NUDCD3: variants seen among roughly 807,000 people sequenced by gnomAD.
NUDCD3 encodes nudC domain-containing protein 3.
Under a neutral mutation model 39.7 loss-of-function variants are expected in NUDCD3, and 13 were observed. The ratio of observed to expected loss-of-function variants is 0.33; its 90% CI spans 0.21 to 0.52. The LOEUF is 0.52. NUDCD3 is among the 20% of genes least tolerant of loss of function. The pLI is 0.96. For synonymous variants in NUDCD3, 175 were observed against 172.4 expected (o/e 1.02, Z -0.12); for missense variants, 453 against 458.1 (o/e 0.99, Z 0.10).
In NUDCD3 at chr7:44,434,685, C is replaced by T. The variant is rs1799433116; in HGVS notation, c.510-6982G>A. Reference sequence around the variant, plus strand: ...GGGCTCTGGTCTCAAGTATGTCCTACAAATCAATGTCTCCAAGCCAGTCCC... The same window carrying T: ...GGGCTCTGGTCTCAAGTATGTCCTATAAATCAATGTCTCCAAGCCAGTCCC... On this transcript the variant is annotated intron_variant, in intron 2 of 5. Coordinates refer to ENST00000355451, the MANE Select transcript of NUDCD3 (RefSeq NM_015332.4). Among the ~76,000 whole-genome samples, 3 of 152,186 alleles carry T rather than the reference C, an allele frequency of 2.0e-5. No homozygotes were observed. In the South Asian group the frequency reaches 6.2e-4, roughly 31 times the overall value.
intron 2 of NUDCD3, among the ~76,000 whole-genome samples, chr7:44,448,701 C>G (rs115286420): frequency 6.6e-6 from 1 of 152,166 alleles, no homozygotes; most frequent in Non-Finnish European, 1.5e-5. Context: ...CAGACCCCTG[C>G]TCCAGCTCAG....
At chr7:44,389,254 C>T (rs1413977868) in intron 5 of NUDCD3, among the ~76,000 whole-genome samples, 3 of 148,524 alleles carry the variant, frequency 2.0e-5, no homozygotes, top group Non-Finnish European at 3.1e-5. Context: ...TTGGCCTGTC[C>T]CGAACTGACA....
rs1421617597 is a variant in NUDCD3 at position 44,381,678 on chromosome 7, T to G, written c.*4333A>C. On this transcript the variant is annotated 3_prime_UTR_variant, in exon 6 of 6. Coordinates refer to ENST00000355451, the MANE Select transcript of NUDCD3 (RefSeq NM_015332.4). ...AGGCAGCTTTCCTGCAAGTGTTTCCTAAGCTGTCCTTCTCCAGGGAGAATA... is the reference window on the plus strand; with the variant it reads ...AGGCAGCTTTCCTGCAAGTGTTTCCGAAGCTGTCCTTCTCCAGGGAGAATA... 1 of 152,222 alleles carries G rather than the reference T, an allele frequency of 6.6e-6. No homozygotes were observed. The highest frequency in any genetic ancestry group is 1.9e-4 in the East Asian group (1 of 5,196). 9.4% of individuals were successfully genotyped at this position (152,222 alleles called of 1,614,324 possible). A position where few individuals can be genotyped will look rare whatever the true frequency, so the allele number is the denominator to read the frequency against.
At chr7:44,397,758 C>T (rs1215429129) in intron 4 of NUDCD3, among the ~76,000 whole-genome samples, 2 of 152,100 alleles carry the variant, frequency 1.3e-5, no homozygotes, top group African/African-American at 4.8e-5. Flanking sequence ...ATAGTATTTT[C>T]TCTGAATCAT....
At position 44,381,656 on chromosome 7, in the gene NUDCD3, C is replaced by G. The variant is rs924027441; in HGVS notation, c.*4355G>C. On this transcript the variant is annotated 3_prime_UTR_variant, in exon 6 of 6. Transcript: ENST00000355451. ...GCCAGGGTCACCTCCCAGGTCCAGGCAGCTTTCCTGCAAGTGTTTCCTAAG... is the reference window on the plus strand; with the variant it reads ...GCCAGGGTCACCTCCCAGGTCCAGGGAGCTTTCCTGCAAGTGTTTCCTAAG... The G allele has an allele frequency of 2.0e-5, 3 of 152,268 alleles. No homozygotes were observed. Among genetic ancestry groups the G allele is most frequent in the Admixed American group, 2.0e-4 (3 of 15,288 alleles). 9.4% of individuals were successfully genotyped at this position (152,268 alleles called of 1,614,324 possible). A position where few individuals can be genotyped will look rare whatever the true frequency, so the allele number is the denominator to read the frequency against.
intron 3 of NUDCD3, among the ~76,000 whole-genome samples, chr7:44,405,949 A>T (rs1332902183): frequency 6.6e-6 from 1 of 152,044 alleles, no homozygotes; most frequent in East Asian, 1.9e-4. Flanking sequence ...GGTACGTGCC[A>T]CCATGCCTGG....
At chr7:44,460,481 C>A (rs1002443026) in intron 2 of NUDCD3, among the ~76,000 whole-genome samples, 3 of 152,070 alleles carry the variant, frequency 2.0e-5, no homozygotes, top group African/African-American at 7.2e-5. Context: ...GGGCAGCTAC[C>A]ACAAGACTCC....
intron 1 of NUDCD3, 142 bp from the exon 2 acceptor site, chr7:44,485,426 A>G: frequency 1.5e-6 from 1 of 659,598 alleles, no homozygotes; most frequent in Non-Finnish European, 2.5e-6. Context: ...ATGGAAATGC[A>G]CTGCCACTTC....
intron 3 of NUDCD3, among the ~76,000 whole-genome samples, chr7:44,418,497 G>A (rs191527757): frequency 1.1e-4 from 17 of 152,328 alleles, no homozygotes; most frequent in African/African-American, 4.1e-4. Flanking sequence ...AACTTATCCA[G>A]AGTGCTCACT....
In NUDCD3 at chr7:44,489,236, A is replaced by G. The variant is rs534046853; in HGVS notation, c.192+1173T>C. On this transcript the variant is annotated intron_variant, in intron 1 of 5. Transcript: ENST00000355451. ...AATGGCAAGACTTCATTAACCTGCC[A>G]TAAGATCCTGCTAAAGGCCACCTCC... 8.6e-4 allele frequency among the ~76,000 whole-genome samples: 131 copies of G among 152,368 alleles called. No homozygotes were observed. The South Asian group carries it at 0.026, about 30-fold the overall frequency.
chr7:44,457,612 C>T (rs1585092168), intron 2 of NUDCD3, among the ~76,000 whole-genome samples: 1 of 152,176 alleles, frequency 6.6e-6, no homozygotes, highest in East Asian at 1.9e-4. Context: ...AACTACGAAA[C>T]TAATGGGAAA....
At chr7:44,413,695 T>C (rs1249685070) in intron 3 of NUDCD3, among the ~76,000 whole-genome samples, 1 of 152,172 alleles carries the variant, frequency 6.6e-6, no homozygotes, top group Non-Finnish European at 1.5e-5. Flanking sequence ...CTCTTGTACA[T>C]TGTTGATGGA....
At chr7:44,428,991 C>G (rs182197365) in intron 2 of NUDCD3, among the ~76,000 whole-genome samples, 2 of 152,274 alleles carry the variant, frequency 1.3e-5, no homozygotes, top group East Asian at 1.9e-4. Context: ...CAGGAAAACA[C>G]AAAACTACAT....
intron 4 of NUDCD3, among the ~76,000 whole-genome samples, chr7:44,398,597 C>A (rs1798664825): frequency 6.6e-6 from 1 of 152,174 alleles, no homozygotes; most frequent in Non-Finnish European, 1.5e-5. Flanking sequence ...AATAAACTTA[C>A]CTCAGCATCC....
chr7:44,442,688 CTTTT>C (rs1799610128), intron 2 of NUDCD3, among the ~76,000 whole-genome samples: 1 of 146,284 alleles, frequency 6.8e-6, no homozygotes, highest in Non-Finnish European at 1.5e-5. Flanking sequence ...GGACTCTCCC[CTTTT>C]CTTTTTTTTT....
At chr7:44,471,856 C>G (rs890458377) in intron 2 of NUDCD3, 3 of 152,220 alleles carry the variant, frequency 2.0e-5, no homozygotes, top group Non-Finnish European at 4.4e-5. Flanking sequence ...GTTACTGCAC[C>G]GGTCACAAGG....
At chr7:44,468,148 G>T in intron 2 of NUDCD3, 1 of 1,605,506 alleles carries the variant, frequency 6.2e-7, no homozygotes. Flanking sequence ...ACATCAAGGA[G>T]CTGGAAGTGC....
At chr7:44,402,063 C>A (rs964892424) in intron 4 of NUDCD3, among the ~76,000 whole-genome samples, 2 of 152,230 alleles carry the variant, frequency 1.3e-5, no homozygotes, top group African/African-American at 4.8e-5. Context: ...TGCTTCCCAG[C>A]CCCGACAGGT....
At chr7:44,387,763 G>A (rs1798426488) in intron 5 of NUDCD3, among the ~76,000 whole-genome samples, 2 of 152,294 alleles carry the variant, frequency 1.3e-5, no homozygotes, top group Middle Eastern at 3.4e-3. Flanking sequence ...ATCCTAGGGT[G>A]CCAAGATCAG....
Sources: gnomAD v4.1 joint callset for allele counts (sites outside exome capture counted in the v4.1 genomes callset) on GRCh38, gnomAD v4.1.1 for gene constraint, MANE v1.5 for transcripts, NCBI Gene and HGNC (gene_info 2026-07-23, HGNC 2026-07-21) for gene names.